Variants in TAF1 observed in about 807,000 individuals in gnomAD.
TAF1 encodes the protein transcription initiation factor TFIID subunit 1.
TAF1 carries 2 observed loss-of-function variants against 138.5 expected under a neutral mutation model. That is an observed-to-expected ratio of 0.01 (90% CI 0.01 to 0.05). The LOEUF (loss-of-function observed/expected upper bound fraction) is 0.05, where lower values mean the gene tolerates loss of function less well. TAF1 is among the 10% of genes least tolerant of loss of function. The probability of loss-of-function intolerance (pLI) is 1.00; values close to 1 mark genes in which losing one functional copy is unlikely to be tolerated. For missense variants in TAF1, 709 were observed against 1,478.0 expected (o/e 0.48, Z 8.53); for synonymous variants, 437 against 503.2 (o/e 0.87, Z 1.76).
chrX:71,500,358 T>C (rs1020108695), intron 13 of TAF1, among the ~76,000 whole-genome samples: 5 of 111,382 alleles, frequency 4.5e-5, no homozygotes, highest in Non-Finnish European at 5.7e-5. Context: ...AGAGAGAATA[T>C]TGGGGCCAGG....
intron 13 of TAF1, among the ~76,000 whole-genome samples, chrX:71,483,780 C>CTCTCTCTATATA (rs1164519184): frequency 2.7e-5 from 1 of 37,575 alleles, no homozygotes; most frequent in Admixed American, 3.7e-4. Context: ...CTCTCTCTCT[C>CTCTCTCTATATA]TATATATATA....
intron 28 of TAF1, among the ~76,000 whole-genome samples, chrX:71,420,682 C>T (rs1288906836): frequency 8.8e-6 from 1 of 113,062 alleles, no homozygotes; most frequent in African/African-American, 3.2e-5. Flanking sequence ...CCGGGTCACC[C>T]TCGACCAGTC....
intron 13 of TAF1, among the ~76,000 whole-genome samples, chrX:71,487,812 T>C (rs746086656): frequency 1.7e-4 from 19 of 111,873 alleles, no homozygotes; most frequent in Non-Finnish European, 3.2e-4. Flanking sequence ...GGTCAGTTCC[T>C]ATTGATTTTT....
chrX:71,367,701 C>G, intron 2 of TAF1, 88 bp downstream of exon 2: 3 of 1,034,047 alleles, frequency 2.9e-6, no homozygotes, highest in Non-Finnish European at 1.3e-6. Flanking sequence ...GACGGAGTTT[C>G]GCTCTGTCTC....
chrX:71,434,229 A>G (rs1182590178), intron 32 of TAF1, among the ~76,000 whole-genome samples: 1 of 112,079 alleles, frequency 8.9e-6, no homozygotes, highest in African/African-American at 3.2e-5. Context: ...TGGGCATGGC[A>G]GTGTGTGCCT....
chrX:71,412,453 C>T (rs1453123243), intron 28 of TAF1, among the ~76,000 whole-genome samples: 1 of 111,668 alleles, frequency 9.0e-6, no homozygotes, highest in African/African-American at 3.2e-5. Context: ...TCATGTAATA[C>T]TCCATTGTAT....
chrX:71,476,877 C>T (rs115070644), intron 13 of TAF1, among the ~76,000 whole-genome samples: 1,712 of 110,158 alleles, frequency 0.016, 30 homozygotes, highest in African/African-American at 0.055. Flanking sequence ...ATCCCTACCT[C>T]GTACATCACG....
chrX:71,383,812 T>C, intron 12 of TAF1, 150 bp from the exon 13 acceptor site: 2 of 657,819 alleles, frequency 3.0e-6, no homozygotes, highest in Admixed American at 8.4e-5. Flanking sequence ...TGTACTATTC[T>C]TTGAACTTTA....
intron 22 of TAF1, among the ~76,000 whole-genome samples, chrX:71,395,649 G>A (rs1291972624): frequency 8.9e-6 from 1 of 111,816 alleles, no homozygotes; most frequent in Non-Finnish European, 1.9e-5. Flanking sequence ...GATTTATATG[G>A]CTTCTCAGTC....
At chrX:71,467,086 C>CTTTTTTTTTTTT (rs756449044), downstream of TAF1, among the ~76,000 whole-genome samples, 1 of 65,316 alleles carries the variant, frequency 1.5e-5, no homozygotes, top group Non-Finnish European at 2.9e-5. Context: ...GGAGGGCATT[C>CTTTTTTTTTTTT]TTTTTTTTTT....
intron 34 of TAF1, chrX:71,455,137 T>A: frequency 1.1e-6 from 1 of 943,595 alleles, no homozygotes; most frequent in South Asian, 2.2e-5. Flanking sequence ...GACCCAGCCA[T>A]CCTCTGGGTC....
At chrX:71,420,022 C>T in intron 28 of TAF1, 16 of 240,256 alleles carry the variant, frequency 6.7e-5, no homozygotes, top group East Asian at 1.7e-4. Flanking sequence ...TTTTTTAATT[C>T]TTTTTTTTTT....
At position 71,366,503 on chromosome X, in the gene TAF1, GTGGGCGT is replaced by G; in HGVS notation, c.120+10_120+16del. 3.6e-6 allele frequency: 4 copies of G among 1,109,043 alleles called. No homozygotes were observed. Among genetic ancestry groups the G allele is most frequent in the East Asian group, 3.2e-5 (1 of 30,787 alleles). 91.4% of individuals were successfully genotyped at this position (1,109,043 alleles called of 1,213,427 possible). On this transcript the variant is annotated intron_variant, in intron 1 of 37. Transcript: ENST00000423759. ...AAAGCGTCTTGGATGATGTGAGGGGGTGGGCGTGGGGGTAGGGCTCGGGGGGTGGGGC... is the reference window on the plus strand; with the variant it reads ...AAAGCGTCTTGGATGATGTGAGGGGGGGGGGTAGGGCTCGGGGGGTGGGGC...
chrX:71,406,780 A>G (rs2035493149), intron 26 of TAF1, 34 bp downstream of exon 26: 9 of 1,132,253 alleles, frequency 7.9e-6, no homozygotes, highest in Non-Finnish European at 7.3e-6. Context: ...CTGATTAGGT[A>G]GGTTATCATT....
At chrX:71,393,544 A>G in intron 21 of TAF1, 68 bp downstream of exon 21, 1 of 1,114,642 alleles carries the variant, frequency 9.0e-7, no homozygotes, top group Non-Finnish European at 1.2e-6. Flanking sequence ...ACTATTTCAT[A>G]ATAAAGAGGA....
chrX:71,468,427 C>T (rs942677269), downstream of TAF1, among the ~76,000 whole-genome samples: 11 of 110,301 alleles, frequency 1.0e-4, no homozygotes, highest in Admixed American at 2.0e-4. Context: ...GTGGCTCACG[C>T]CTGTAATCCC....
At chrX:71,366,981 C>G (rs899393751) in intron 1 of TAF1, among the ~76,000 whole-genome samples, 14 of 112,043 alleles carry the variant, frequency 1.2e-4, no homozygotes, top group African/African-American at 4.2e-4. Context: ...TCACAGTGCG[C>G]CTTTTAGGTG....
intron 37 of TAF1, among the ~76,000 whole-genome samples, chrX:71,463,481 T>C (rs1159864604): frequency 9.0e-6 from 1 of 110,934 alleles, no homozygotes; most frequent in African/African-American, 3.3e-5. Context: ...AGAGACAAGA[T>C]ATATTGAAGA....
intron 32 of TAF1, among the ~76,000 whole-genome samples, chrX:71,425,691 A>G (rs2036556796): frequency 1.8e-5 from 2 of 111,403 alleles, no homozygotes. Flanking sequence ...CAAGAGCTAT[A>G]ATAGAAGTAT....
Sources: allele counts gnomAD v4.1 joint callset (sites outside exome capture counted in the v4.1 genomes callset), GRCh38; gene constraint gnomAD v4.1.1; transcripts MANE v1.5; gene names NCBI Gene and HGNC (gene_info 2026-07-23, HGNC 2026-07-21).